The following TMEM126B variants were observed in gnomAD, a reference collection of about 807,000 sequenced individuals.
TMEM126B encodes the protein transmembrane protein 126B.
TMEM126B carries 19 observed loss-of-function variants against 16.5 expected under a neutral mutation model. That is an observed-to-expected ratio of 1.15 (90% confidence interval 0.80 to 1.69). The LOEUF (loss-of-function observed/expected upper bound fraction) is 1.69. Ranked by LOEUF, TMEM126B falls within the 40% of genes most tolerant of loss-of-function variation. The pLI, the probability that TMEM126B is intolerant of heterozygous loss-of-function variation, is 0.00. For synonymous variants in TMEM126B, 104 were observed against 93.2 expected, an observed-to-expected ratio of 1.12 and a Z score of -0.67; for missense variants, 293 against 278.7, an observed-to-expected ratio of 1.05 and a Z score of -0.37.
intron 1 of TMEM126B, chr11:85,631,459 G>C: frequency 1.2e-6 from 1 of 846,518 alleles, no homozygotes; most frequent in South Asian, 2.0e-5. Context: ...ATTGTAGGAT[G>C]TTTAGCAAGA....
At position 85,634,142 on chromosome 11, in the gene TMEM126B, T is replaced by C. The variant is rs535685318; in HGVS notation, c.260T>C (p.Ile87Thr). 1.2e-6 allele frequency: 2 copies of C among 1,613,840 alleles called. No homozygotes were observed. Among genetic ancestry groups the C allele is most frequent in the Middle Eastern group, 1.7e-4 (1 of 6,056 alleles). Reference protein sequence around the residue: ...TFGTTAGFSGIFSNFLFRRCF... With the variant: ...TFGTTAGFSGTFSNFLFRRCF... ...GGAACAACAGCTGGTTTCTCTGGAA[T>C]ATTCTCAAACTTCCTGTTCAGACGC... Residue 87 changes from isoleucine to threonine, a missense_variant, in exon 3 of 5, where the codon ATA becomes ACA. By Grantham distance (89) the Ile-to-Thr change is moderately conservative (BLOSUM62 -1). Transcript: ENST00000358867.
chr11:85,636,272 T>C lies in TMEM126B; in HGVS notation c.*43T>C. 3.7e-6 allele frequency: 5 copies of C among 1,354,508 alleles called. No homozygotes were observed. The highest frequency in any genetic ancestry group is 4.8e-6 in the Non-Finnish European group (5 of 1,031,302). 83.9% of individuals were successfully genotyped at this position (1,354,508 alleles called of 1,614,324 possible). On this transcript the variant is annotated 3_prime_UTR_variant, in exon 5 of 5. Transcript: ENST00000358867. ...TGCTAACTTAGCAAAATGAAGTTTC[T>C]ATAAAGAGGACTCAGGCATTGCTGA... is the stretch of plus-strand genomic sequence containing the variant.
In TMEM126B at chr11:85,628,659, G is replaced by A. The variant is rs1194673709; in HGVS notation, c.52G>A (p.Val18Met). ...AGTKPRDSGV[V>M]PVGTEEAPKV... ...GACTAAGCCAAGGGATTCAGGTGTG[G>A]TGCCGGTGGGAACTGAGGAAGCGCC... The change falls in exon 1 of 5, where the codon GTG becomes ATG. Residue 18 changes from valine (V) to methionine (M), a missense_variant. Physicochemically the swap from Val to Met is conservative, Grantham distance 21. Transcript: ENST00000358867. 6.5e-7 allele frequency: 1 copy of A among 1,536,088 alleles called. No homozygotes were observed. The highest frequency in any genetic ancestry group is 1.4e-5 in the African/African-American group (1 of 73,060).
chr11:85,634,184 A>G lies in TMEM126B; in HGVS notation c.302A>G (p.His101Arg), dbSNP rs754254962. 2 of 1,613,796 alleles carry G rather than the reference A, an allele frequency of 1.2e-6. No individual in the cohort carries two copies. Among genetic ancestry groups the G allele is most frequent in the Admixed American group, 1.7e-5 (1 of 60,022 alleles). ...FLFRRCFKVK[H>R]DALKTYASLA... is the part of the protein sequence containing the mutation. ...TTCAGACGCTGCTTCAAGGTTAAAC[A>G]TGATGCTTTGAAGACATATGCATCA... The change falls in exon 3 of 5, where the codon CAT becomes CGT. Residue 101 changes from histidine (H) to arginine (R), a missense_variant. Coordinates refer to ENST00000358867, the MANE Select transcript of TMEM126B (RefSeq NM_018480.7).
At chr11:85,634,330 C>T in intron 3 of TMEM126B, 51 bp downstream of exon 3, 1 of 1,343,326 alleles carries the variant, frequency 7.4e-7, no homozygotes, top group Non-Finnish European at 1.0e-6. Flanking sequence ...AGTAAAGTTA[C>T]TTATTAACAT....
chr11:85,634,510 C>T (rs191830876), intron 3 of TMEM126B: 29 of 410,070 alleles, frequency 7.1e-5, no homozygotes, highest in African/African-American at 3.5e-4. Context: ...TGTTCAAGTA[C>T]GCTAATAAGC....
In TMEM126B at chr11:85,634,158, G is replaced by T. The variant is rs750852644; in HGVS notation, c.276G>T (p.Leu92=). 1 of 1,613,746 alleles carries T rather than the reference G, an allele frequency of 6.2e-7. No individual in the cohort carries two copies. Among genetic ancestry groups the T allele is most frequent in the Non-Finnish European group, 8.5e-7 (1 of 1,179,866 alleles). ...TCTCTGGAATATTCTCAAACTTCCT[G>T]TTCAGACGCTGCTTCAAGGTTAAAC... ...AGFSGIFSNF[L]FRRCFKVKHD... is the part of the protein sequence containing the mutation. Residue 92 remains leucine (L), a synonymous_variant, in exon 3 of 5, where the codon CTG becomes CTT. Transcript: ENST00000358867.
Position 85,636,085 on chromosome 11 carries a change from A to G in TMEM126B, c.549A>G (p.Leu183=). ...TVPLPPKGRV[L]IHWMTLCQTQ... ...CACTGCCACCAAAAGGAAGGGTTTT[A>G]ATCCATTGGATGACGCTTTGTCAAA... is the stretch of plus-strand genomic sequence containing the variant. Residue 183 remains leucine, a synonymous_variant, in exon 5 of 5, where the codon TTA becomes TTG. Transcript: ENST00000358867. The G allele has an allele frequency of 6.2e-7, 1 of 1,608,118 alleles. No homozygotes were observed. Among genetic ancestry groups the G allele is most frequent in the Admixed American group, 1.7e-5 (1 of 58,162 alleles).
At chr11:85,633,491 C>T (rs2082344326) in intron 2 of TMEM126B, among the ~76,000 whole-genome samples, 2 of 152,316 alleles carry the variant, frequency 1.3e-5, no homozygotes, top group South Asian at 4.1e-4. Flanking sequence ...TAATGATTGC[C>T]ATTCTAATTC....
rs942691193 is a variant in TMEM126B at position 85,636,494 on chromosome 11, A to T, written c.*265A>T. Reference sequence around the variant, plus strand: ...GATAATAAATATCCAGTGTCAATAAATGTAACAATAAAAGTTTCATCTTTC... The same window carrying T: ...GATAATAAATATCCAGTGTCAATAATTGTAACAATAAAAGTTTCATCTTTC... On this transcript the variant is annotated 3_prime_UTR_variant, in exon 5 of 5. Coordinates refer to ENST00000358867, the MANE Select transcript of TMEM126B (RefSeq NM_018480.7). 4.7e-6 allele frequency: 1 copy of T among 213,080 alleles called. No individual in the cohort carries two copies. Among genetic ancestry groups the T allele is most frequent in the African/African-American group, 2.3e-5 (1 of 44,012 alleles). 13.2% of individuals were successfully genotyped at this position (213,080 alleles called of 1,614,324 possible). A position where few individuals can be genotyped will look rare whatever the true frequency, so the allele number is the denominator to read the frequency against.
chr11:85,634,304 A>G, intron 3 of TMEM126B, 25 bp downstream of exon 3: 1 of 1,555,566 alleles, frequency 6.4e-7, no homozygotes, highest in South Asian at 1.1e-5. Flanking sequence ...ACTAATGTAT[A>G]ACGTAGTTAT....
chr11:85,628,807 A>C, intron 1 of TMEM126B, 119 bp downstream of exon 1: 3 of 1,006,720 alleles, frequency 3.0e-6, no homozygotes, highest in Non-Finnish European at 4.5e-6. Context: ...TCCCAAGTCC[A>C]TGCAAGGAGC....
At chr11:85,635,217 G>A (rs1183808121) in intron 3 of TMEM126B, 1 of 152,680 alleles carries the variant, frequency 6.5e-6, no homozygotes, top group Non-Finnish European at 1.5e-5. Context: ...GAGGTCAGGA[G>A]TTCGAGACCA....
At chr11:85,630,192 A>G (rs958572406) in intron 1 of TMEM126B, among the ~76,000 whole-genome samples, 2 of 152,224 alleles carry the variant, frequency 1.3e-5, no homozygotes, top group African/African-American at 4.8e-5. Flanking sequence ...TGCTGAATCC[A>G]GGTATCTCAG....
rs1316935804 is a variant in TMEM126B, at chr11:85,636,227, T to A, written c.691T>A (p.Ter231LysextTer4). Reference sequence around the variant, plus strand: ...ACTTGAGAAAACTATACATGAAGAGTAACCAAAAAAATGAATGGTTGCTAA... The same window carrying A: ...ACTTGAGAAAACTATACATGAAGAGAAACCAAAAAAATGAATGGTTGCTAA... Reference protein sequence around the residue: ...ETLEKTIHEE* With the variant: ...ETLEKTIHEEK The change falls in exon 5 of 5, where the codon TAA (stop) becomes AAA (lysine). Residue 231 changes from the stop codon to lysine, a stop_lost. Coordinates refer to ENST00000358867, the MANE Select transcript of TMEM126B (RefSeq NM_018480.7). The A allele has an allele frequency of 2.7e-6, 4 of 1,489,732 alleles. No homozygotes were observed. In the Admixed American group the frequency reaches 7.3e-5, roughly 27 times the overall value. The allele number at this position is 1,489,732 out of a possible 1,614,324, so 92.3% of individuals were successfully genotyped here. A position where few individuals can be genotyped will look rare whatever the true frequency, so the allele number is the denominator to read the frequency against.
intron 2 of TMEM126B, 37 bp downstream of exon 2, chr11:85,631,845 A>T: frequency 6.3e-7 from 1 of 1,576,008 alleles, no homozygotes; most frequent in Non-Finnish European, 8.6e-7. Flanking sequence ...CAGTCATTTT[A>T]TTTGCAAGTC....
chr11:85,634,770 C>G (rs2082368420), intron 3 of TMEM126B: 1 of 152,570 alleles, frequency 6.6e-6, no homozygotes, highest in Non-Finnish European at 1.5e-5. Flanking sequence ...CTGCCCCTCA[C>G]CTTACCTTGA....
At chr11:85,635,618 A>G (rs367921554) in intron 3 of TMEM126B, 49 bp from the exon 4 acceptor site, 326 of 1,311,056 alleles carry the variant, frequency 2.5e-4, no homozygotes, top group Non-Finnish European at 3.4e-4. Context: ...ACACTGTCTT[A>G]ATAGCTCTTG....
intron 3 of TMEM126B, chr11:85,634,779 G>C (rs1299518366): frequency 6.6e-6 from 1 of 152,364 alleles, no homozygotes; most frequent in East Asian, 1.9e-4. Context: ...ACCTTACCTT[G>C]AGTTTCACAA....
Sources: gnomAD v4.1 joint callset for allele counts (sites outside exome capture counted in the v4.1 genomes callset) on GRCh38, gnomAD v4.1.1 for gene constraint, MANE v1.5 for transcripts, NCBI Gene and HGNC (gene_info 2026-07-23, HGNC 2026-07-21) for gene names.